Variants in SIPA1L3 observed in about 807,000 individuals in gnomAD.
SIPA1L3 encodes the protein signal-induced proliferation-associated 1-like protein 3.
SIPA1L3 carries 59 observed loss-of-function variants against 150.1 expected under a neutral mutation model. That is an observed-to-expected ratio of 0.39 (90% CI 0.32 to 0.49). The LOEUF (loss-of-function observed/expected upper bound fraction) is 0.49, where lower values mean the gene tolerates loss of function less well. Among genes scored for constraint, SIPA1L3 ranks in the 20% least tolerant of loss-of-function variants. SIPA1L3 has a pLI of 0.86. For missense variants in SIPA1L3, 2,211 were observed against 2,489.5 expected (o/e 0.89, Z 2.38); for synonymous variants, 1,070 against 1,077.6 (o/e 0.99, Z 0.14).
At chr19:38,083,220 AGAGACCTCCCTTCTG>A in intron 3 of SIPA1L3, 121 bp downstream of exon 3, 1 of 1,059,190 alleles carries the variant, frequency 9.4e-7, no homozygotes. Context: ...TGGCGGGAAC[AGAGACCTCCCTTCTG>A]GAGGGCTGTG....
chr19:38,112,385 G>C (rs923758892), intron 8 of SIPA1L3, among the ~76,000 whole-genome samples: 1 of 152,048 alleles, frequency 6.6e-6, no homozygotes, highest in Non-Finnish European at 1.5e-5. Context: ...TGAGCTGGTG[G>C]GGGGAGCTGC....
At chr19:38,019,559 G>T (rs535132969) in intron 1 of SIPA1L3, among the ~76,000 whole-genome samples, 1 of 152,344 alleles carries the variant, frequency 6.6e-6, no homozygotes, top group South Asian at 2.1e-4. Flanking sequence ...TGAGAAGGAA[G>T]AGAAGAATGG....
chr19:38,196,857 G>A (rs556050819), intron 18 of SIPA1L3, among the ~76,000 whole-genome samples: 47 of 152,288 alleles, frequency 3.1e-4, no homozygotes, highest in African/African-American at 1.1e-3. Flanking sequence ...ATATCACAGA[G>A]CTGAACGGCC....
intron 1 of SIPA1L3, among the ~76,000 whole-genome samples, chr19:38,018,308 C>T (rs968706513): frequency 6.6e-6 from 1 of 151,692 alleles, no homozygotes; most frequent in East Asian, 1.9e-4. Flanking sequence ...GGATCACAAG[C>T]GCGCACCATC....
At chr19:38,150,586 G>A (rs979406487) in intron 12 of SIPA1L3, among the ~76,000 whole-genome samples, 23 of 147,068 alleles carry the variant, frequency 1.6e-4, no homozygotes, top group African/African-American at 5.3e-4. Flanking sequence ...AGGCTGGAGC[G>A]CAGTGGCACA....
chr19:37,949,755 T>A (rs566721739), intron 1 of SIPA1L3, among the ~76,000 whole-genome samples: 1 of 152,118 alleles, frequency 6.6e-6, no homozygotes, highest in African/African-American at 2.4e-5. Context: ...CCTTTTCTCA[T>A]ATGAAGCAAC....
chr19:38,183,684 G>A (rs1178397172), intron 16 of SIPA1L3, among the ~76,000 whole-genome samples: 1 of 152,204 alleles, frequency 6.6e-6, no homozygotes, highest in Non-Finnish European at 1.5e-5. Flanking sequence ...GCCTAGAGCT[G>A]CGAGGCTGGA....
At chr19:38,059,291 A>G (rs892240183) in intron 2 of SIPA1L3, among the ~76,000 whole-genome samples, 1 of 148,246 alleles carries the variant, frequency 6.7e-6, no homozygotes, top group Non-Finnish European at 1.5e-5. Context: ...GTGAGCCACC[A>G]TGCCCAGCAA....
Position 38,136,183 on chromosome 19 carries a change from CAAAAAAAAA to C in SIPA1L3, c.3144-4986_3144-4978del, listed in dbSNP as rs56146390. Among the ~76,000 whole-genome samples the C allele has an allele frequency of 2.2e-3, 95 of 44,116 alleles. 2 individuals carry two copies. Among genetic ancestry groups the C allele is most frequent in the African/African-American group, 7.2e-3 (87 of 12,008 alleles). 28.9% of individuals were successfully genotyped at this position (44,116 alleles called of 152,430 possible). ...CCTGGGCAAGAGAGTGAGACTGTCT[CAAAAAAAAA>C]AAAAAAAAAAAAAAGAAGAATGCGT... On this transcript the variant is annotated intron_variant, in intron 10 of 21. Transcript: ENST00000222345.
intron 15 of SIPA1L3, among the ~76,000 whole-genome samples, chr19:38,177,339 T>G (rs1314842899): frequency 7.0e-6 from 1 of 142,074 alleles, no homozygotes; most frequent in African/African-American, 2.7e-5. Flanking sequence ...CCAGCCTGGG[T>G]GACAGAGCAA....
In SIPA1L3 at chr19:38,130,607, A is replaced by C. The variant is rs749772607; in HGVS notation, c.2978A>C (p.Tyr993Ser). The C allele has an allele frequency of 6.2e-7, 1 of 1,613,782 alleles. No homozygotes were observed. The highest frequency in any genetic ancestry group is 1.7e-5 in the Admixed American group (1 of 60,028). Residue 993 changes from tyrosine to serine, a missense_variant, in exon 10 of 22, where the codon TAT becomes TCT. By Grantham distance (144) the Tyr-to-Ser change is moderately radical. Around this residue, in one of 5 missense-constraint regions of SIPA1L3, gnomAD observed 625 missense variants for 804.2 expected, o/e 0.78. Transcript: ENST00000222345. Reference sequence around the variant, plus strand: ...GGCACGGTGGCCGAGGTTGAGGACTATGGGTTCGCCTGGCAGGCCGGCCTC... The same window carrying C: ...GGCACGGTGGCCGAGGTTGAGGACTCTGGGTTCGCCTGGCAGGCCGGCCTC... The part of the protein sequence containing the change: ...YDGTVAEVED[Y>S]GFAWQAGLRQ...
intron 8 of SIPA1L3, among the ~76,000 whole-genome samples, chr19:38,112,924 A>G (rs765949974): frequency 5.9e-5 from 9 of 152,142 alleles, no homozygotes; most frequent in Non-Finnish European, 1.3e-4. Context: ...GACTGAACTC[A>G]GGGCGAGGTG....
At chr19:38,089,349 A>AAG (rs1970212565) in intron 4 of SIPA1L3, among the ~76,000 whole-genome samples, 1 of 147,720 alleles carries the variant, frequency 6.8e-6, no homozygotes, top group African/African-American at 2.5e-5. Flanking sequence ...AAAAAAAAAG[A>AAG]AAAAAAAAAT....
chr19:37,979,539 A>G (rs2145611138), intron 1 of SIPA1L3, among the ~76,000 whole-genome samples: 1 of 149,668 alleles, frequency 6.7e-6, no homozygotes, highest in Middle Eastern at 3.4e-3. Context: ...CCTGGGCAAC[A>G]GAGCGAGACT....
At chr19:37,938,048 AAAAAAG>A (rs1053296917) in intron 1 of SIPA1L3, among the ~76,000 whole-genome samples, 6 of 152,152 alleles carry the variant, frequency 3.9e-5, no homozygotes, top group East Asian at 1.9e-4. Context: ...CTCCACCTCA[AAAAAAG>A]AAAAAGAAAA....
At chr19:38,086,813 A>C (rs1214677964) in intron 3 of SIPA1L3, among the ~76,000 whole-genome samples, 1 of 152,238 alleles carries the variant, frequency 6.6e-6, no homozygotes, top group East Asian at 1.9e-4. Context: ...TTAACTCTGA[A>C]TACAGCGTAG....
rs1973219626 is a variant in SIPA1L3 at position 38,206,530 on chromosome 19, C to T, written c.*290C>T. On this transcript the variant is annotated 3_prime_UTR_variant, in exon 22 of 22. Coordinates refer to ENST00000222345, the MANE Select transcript of SIPA1L3 (RefSeq NM_015073.3). The stretch of plus-strand genomic sequence containing the variant: ...CCGCTCCCGGGCCTGCCCCGCTGTC[C>T]CCATCTAGCCTCTTCCTGGGACCAG... 5 of 303,198 alleles carry T rather than the reference C, an allele frequency of 1.6e-5. No homozygotes were observed. Among genetic ancestry groups the T allele is most frequent in the Non-Finnish European group, 3.0e-5 (5 of 164,578 alleles). 18.8% of individuals were successfully genotyped at this position (303,198 alleles called of 1,614,324 possible). A position where few individuals can be genotyped will look rare whatever the true frequency, so the allele number is the denominator to read the frequency against.
intron 9 of SIPA1L3, among the ~76,000 whole-genome samples, chr19:38,121,733 C>T (rs1347249232): frequency 2.7e-5 from 4 of 148,540 alleles, no homozygotes; most frequent in African/African-American, 7.6e-5. Flanking sequence ...AGCGAGACTC[C>T]GTCTCAAAAA....
chr19:38,027,747 G>A (rs947128666), intron 1 of SIPA1L3, among the ~76,000 whole-genome samples: 10 of 151,292 alleles, frequency 6.6e-5, no homozygotes, highest in African/African-American at 1.9e-4. Context: ...GAACTTCTGA[G>A]CTCAAATGAT....
Sources: gnomAD v4.1 joint callset for allele counts (sites outside exome capture counted in the v4.1 genomes callset) on GRCh38, gnomAD v4.1.1 for gene constraint, gnomAD v4.1.1 regional missense constraint, MANE v1.5 for transcripts, NCBI Gene and HGNC (gene_info 2026-07-23, HGNC 2026-07-21) for gene names.